Variants in PRKN observed in about 807,000 individuals in gnomAD.
PRKN encodes the protein parkin RBR E3 ubiquitin protein ligase.
PRKN carries 56 observed loss-of-function variants against 59.5 expected under a neutral mutation model. The ratio of observed to expected loss-of-function variants is 0.94; its 90% CI spans 0.76 to 1.18. PRKN has a LOEUF of 1.18. Among genes scored for constraint, PRKN ranks in the 50% most tolerant of loss-of-function variants. The pLI is 0.00. For missense variants in PRKN, 657 were observed against 596.4 expected (o/e 1.10, Z -1.06); for synonymous variants, 250 against 222.1 (o/e 1.13, Z -1.12).
intron 4 of PRKN, among the ~76,000 whole-genome samples, chr6:162,145,317 T>C (rs1033757158): frequency 1.3e-5 from 2 of 152,170 alleles, no homozygotes; most frequent in Non-Finnish European, 2.9e-5. Flanking sequence ...AATAAGGATA[T>C]GTAGAATAAA....
rs190849224 is a variant in PRKN, at chr6:161,399,491, G to A, written c.1084-12614C>T. On this transcript the variant is annotated intron_variant, in intron 9 of 11. Transcript: ENST00000366898. The surrounding 1 kb of genome is among the most constrained non-coding windows in gnomAD (Gnocchi z 4.4). Reference sequence around the variant, plus strand: ...GTGGGGCCAGAGCCCAGAAGTGCTCGTCCTGGCTCCTGCACCTGCTCATCT... The same window carrying A: ...GTGGGGCCAGAGCCCAGAAGTGCTCATCCTGGCTCCTGCACCTGCTCATCT... Among the ~76,000 whole-genome samples the A allele has an allele frequency of 1.3e-3, 192 of 152,322 alleles. No individual in the cohort carries two copies. Among genetic ancestry groups the A allele is most frequent in the Non-Finnish European group, 1.7e-3 (115 of 68,028 alleles).
At chr6:161,773,963 C>T (rs546112433) in intron 7 of PRKN, among the ~76,000 whole-genome samples, 1 of 152,182 alleles carries the variant, frequency 6.6e-6, no homozygotes, top group East Asian at 1.9e-4. Context: ...AACGGACGGA[C>T]GGAATCACTT....
chr6:161,644,510 G>A (rs564588304), intron 7 of PRKN, among the ~76,000 whole-genome samples: 4 of 152,182 alleles, frequency 2.6e-5, no homozygotes, highest in East Asian at 1.9e-4. Flanking sequence ...CATGTCTTCC[G>A]GCAGCTACAT....
chr6:162,377,605 C>A (rs1786187367), intron 2 of PRKN, among the ~76,000 whole-genome samples: 1 of 152,214 alleles, frequency 6.6e-6, no homozygotes, highest in African/African-American at 2.4e-5. Flanking sequence ...ACGCCACAGG[C>A]CCATGGCCAG....
At chr6:161,884,761 G>A (rs1225204670) in intron 6 of PRKN, among the ~76,000 whole-genome samples, 11 of 152,016 alleles carry the variant, frequency 7.2e-5, no homozygotes, top group Non-Finnish European at 1.2e-4. Context: ...GAGTCTAGAC[G>A]GGTTATCCAT....
rs1781102104 is a variant in PRKN, at chr6:161,575,633, T to C, written c.872-6217A>G. On this transcript the variant is annotated intron_variant, in intron 7 of 11. Transcript: ENST00000366898. This position sits in a 1 kb window ranked among gnomAD's most constrained non-coding sequence, Gnocchi z 4.6. ...CAATTGTGATATCCTTTGGGTTCAA[T>C]GGAAAATCGTGAGCACCCAGGCTTG... 1.3e-5 allele frequency among the ~76,000 whole-genome samples: 2 copies of C among 152,206 alleles called. No homozygotes were observed. The highest frequency in any genetic ancestry group is 6.5e-5 in the Admixed American group (1 of 15,278).
At chr6:162,284,215 CTTT>C (rs35609309) in intron 2 of PRKN, among the ~76,000 whole-genome samples, 119 of 75,648 alleles carry the variant, frequency 1.6e-3, no homozygotes, top group African/African-American at 3.9e-3. Context: ...TTATTTCTTT[CTTT>C]TTTTTTTTTT....
At chr6:161,988,703 G>A (rs567219357) in intron 5 of PRKN, among the ~76,000 whole-genome samples, 5 of 152,102 alleles carry the variant, frequency 3.3e-5, no homozygotes, top group South Asian at 4.2e-4. Context: ...CCATGAACAC[G>A]ACAGTGAGGA....
rs1280971890 is a variant in PRKN at position 161,357,811 on chromosome 6, T to G, written c.1285+2277A>C. Among the ~76,000 whole-genome samples, 1 of 152,222 alleles carries G rather than the reference T, an allele frequency of 6.6e-6. No individual in the cohort carries two copies. The highest frequency in any genetic ancestry group is 2.4e-5 in the African/African-American group (1 of 41,458). ...TTCCGCCATGCCTTCATAACCTTCA[T>G]CCACACGAATCAGAGCACGTCTCAC... On this transcript the variant is annotated intron_variant, in intron 11 of 11. Transcript: ENST00000366898. The surrounding 1 kb of genome is among the most constrained non-coding windows in gnomAD (Gnocchi z 5.5).
intron 7 of PRKN, among the ~76,000 whole-genome samples, chr6:161,667,781 G>A (rs1442291376): frequency 6.6e-6 from 1 of 151,988 alleles, no homozygotes; most frequent in African/African-American, 2.4e-5. Flanking sequence ...TTAAATCCAG[G>A]CAGTGAAATT....
chr6:162,717,483 T>C (rs778438483), intron 1 of PRKN, among the ~76,000 whole-genome samples: 1 of 151,296 alleles, frequency 6.6e-6, no homozygotes, highest in Non-Finnish European at 1.5e-5. Context: ...ATTCGGGAAG[T>C]TGAGCCCAGG....
chr6:162,138,320 A>T (rs1197330684), intron 4 of PRKN, among the ~76,000 whole-genome samples: 1 of 152,206 alleles, frequency 6.6e-6, no homozygotes, highest in Non-Finnish European at 1.5e-5. Context: ...TACTGTCATC[A>T]TGGTGGGGCT....
intron 9 of PRKN, among the ~76,000 whole-genome samples, chr6:161,437,767 A>C (rs1182151033): frequency 1.3e-5 from 2 of 152,192 alleles, no homozygotes; most frequent in Non-Finnish European, 2.9e-5. Context: ...TAGTGTATCT[A>C]CTAAGCTCAC....
At position 162,073,384 on chromosome 6, in the gene PRKN, C is replaced by T. The variant is rs904164551; in HGVS notation, c.535-19210G>A. 2.6e-5 allele frequency among the ~76,000 whole-genome samples: 4 copies of T among 152,180 alleles called. No homozygotes were observed. The South Asian group carries it at 6.2e-4, about 24-fold the overall frequency. ...TAACTCAATGGCTGCCTAAACAGAA[C>T]ATCTCAGCTGGTCTTGAAAATTTTC... On this transcript the variant is annotated intron_variant, in intron 4 of 11. Transcript: ENST00000366898.
At chr6:162,198,748 G>T (rs1784599207) in intron 4 of PRKN, among the ~76,000 whole-genome samples, 1 of 151,856 alleles carries the variant, frequency 6.6e-6, no homozygotes, top group South Asian at 2.1e-4. Context: ...TCAAGAGGCT[G>T]TGAGCATTTC....
rs199953830 is a variant in PRKN at position 161,473,527 on chromosome 6, AT to A, written c.1083+75326del. On this transcript the variant is annotated intron_variant, in intron 9 of 11. Coordinates refer to ENST00000366898, the MANE Select transcript of PRKN (RefSeq NM_004562.3). The surrounding 1 kb of genome is among the most constrained non-coding windows in gnomAD (Gnocchi z 4.1). The stretch of plus-strand genomic sequence containing the variant: ...TTACATGTGGAATCTTAAAAAAAAA[AT>A]GTCAAATATATAGAGACAGAATAAA... 9.2e-5 allele frequency among the ~76,000 whole-genome samples: 14 copies of A among 151,866 alleles called. No homozygotes were observed. The highest frequency in any genetic ancestry group is 2.4e-4 in the African/African-American group (10 of 41,354).
At chr6:162,133,961 T>C (rs1781473043) in intron 4 of PRKN, among the ~76,000 whole-genome samples, 1 of 152,014 alleles carries the variant, frequency 6.6e-6, no homozygotes, top group Admixed American at 6.6e-5. Flanking sequence ...AGAATTTGGG[T>C]AGTAGATGGT....
intron 5 of PRKN, among the ~76,000 whole-genome samples, chr6:161,974,326 C>G (rs1780943308): frequency 6.6e-6 from 1 of 152,126 alleles, no homozygotes. Context: ...ATCAACACCC[C>G]AGCATTCCTG....
chr6:162,313,976 T>C (rs1021917650), intron 2 of PRKN, among the ~76,000 whole-genome samples: 5 of 152,170 alleles, frequency 3.3e-5, no homozygotes, highest in African/African-American at 1.2e-4. Context: ...AATCATTTCA[T>C]TGTTAGGCAC....
Sources: gnomAD v4.1 joint callset for allele counts (sites outside exome capture counted in the v4.1 genomes callset) on GRCh38, gnomAD v4.1.1 for gene constraint, Gnocchi (gnomAD v3.1) non-coding constraint, MANE v1.5 for transcripts, NCBI Gene and HGNC (gene_info 2026-07-23, HGNC 2026-07-21) for gene names.